Variants in DPP7 observed in about 807,000 individuals in gnomAD.
DPP7 encodes dipeptidyl peptidase 2.
DPP7 carries 74 observed loss-of-function variants against 58.8 expected under a neutral mutation model. That is an observed-to-expected ratio of 1.26 (90% CI 1.04 to 1.53). DPP7 has a LOEUF of 1.53. Among genes scored for constraint, DPP7 ranks in the 40% most tolerant of loss-of-function variants. The pLI is 0.00. For synonymous variants in DPP7, 350 were observed against 303.6 expected (o/e 1.15, Z -1.59); for missense variants, 807 against 692.3 (o/e 1.17, Z -1.86).
chr9:137,111,067 A>G, intron 11 of DPP7, 117 bp from the exon 12 acceptor site: 1 of 968,972 alleles, frequency 1.0e-6, no homozygotes, highest in South Asian at 1.4e-5. Context: ...CCATCAAGCA[A>G]CCAGAGAGAA....
chr9:137,112,449 C>G (rs1045621191), intron 8 of DPP7: 1 of 625,468 alleles, frequency 1.6e-6, no homozygotes, highest in East Asian at 2.8e-5. Context: ...CCGCTCTCCA[C>G]GGGGCAGGGT....
chr9:137,113,080 G>A lies in DPP7; in HGVS notation c.743C>T (p.Pro248Leu), dbSNP rs765440128. ...GGTCAGGTCCTTCTCGTCTGACAGC[G>A]GCTGGCAGGTGCCGAACTCCCAGCG... ...TVRWEFGTCQPLSDEKDLTQL... is the reference protein window; with the variant it reads ...TVRWEFGTCQLLSDEKDLTQL... Residue 248 changes from proline to leucine, a missense_variant, in exon 7 of 13, where the codon CCG (proline) becomes CTG (leucine). Coordinates refer to ENST00000371579, the MANE Select transcript of DPP7 (RefSeq NM_013379.3). 38 of 1,613,846 alleles carry A rather than the reference G, an allele frequency of 2.4e-5. No homozygotes were observed. The highest frequency in any genetic ancestry group is 5.5e-5 in the South Asian group (5 of 91,090).
At chr9:137,117,189 G>A (rs925299039), upstream of DPP7, among the ~76,000 whole-genome samples, 6 of 152,122 alleles carry the variant, frequency 3.9e-5, no homozygotes, top group Admixed American at 1.3e-4. Context: ...CCCACCTGAC[G>A]AGAAACACCC....
intron 4 of DPP7, 26 bp downstream of exon 4, chr9:137,113,839 G>C (rs1305063031): frequency 6.9e-7 from 1 of 1,459,084 alleles, no homozygotes; most frequent in South Asian, 1.3e-5. Context: ...GAGGGAGGGG[G>C]TGCGGAGGCC....
rs1049927664 is a variant in DPP7, at chr9:137,112,816, G to T, written c.871-11C>A. On this transcript the variant is annotated splice_polypyrimidine_tract_variant and intron_variant, in intron 7 of 12. Coordinates refer to ENST00000371579, the MANE Select transcript of DPP7 (RefSeq NM_013379.3). ...CCGATCACAGCCCACCTGGAGTGCA[G>T]GGGCAGCGGCGACTCAGCGGGGTCC... 13 of 1,608,872 alleles carry T rather than the reference G, an allele frequency of 8.1e-6. No individual in the cohort carries two copies. The highest frequency in any genetic ancestry group is 1.1e-5 in the South Asian group (1 of 90,762).
upstream of DPP7, among the ~76,000 whole-genome samples, chr9:137,115,890 AG>A (rs2131162457): frequency 6.6e-6 from 1 of 152,240 alleles, no homozygotes; most frequent in African/African-American, 2.4e-5. Context: ...GACGGGGGTG[AG>A]GACAAACAGC....
chr9:137,114,383 C>A lies in DPP7; in HGVS notation c.182-1G>T. 6.2e-7 allele frequency: 1 copy of A among 1,600,950 alleles called. No individual in the cohort carries two copies. The highest frequency in any genetic ancestry group is 1.7e-5 in the Admixed American group (1 of 59,280). On this transcript the variant is annotated splice_acceptor_variant, in intron 2 of 12. Transcript: ENST00000371579. LOFTEE classifies it high-confidence loss of function. ...CCCTCGCCCCGGACCCAGAACCTGT[C>A]TGTGGGGAGGGCGGATGAGGCGAGG...
chr9:137,110,868 C>T lies in DPP7; in HGVS notation c.1343+12G>A, dbSNP rs771302050. On this transcript the variant is annotated intron_variant, in intron 12 of 12. Coordinates refer to ENST00000371579, the MANE Select transcript of DPP7 (RefSeq NM_013379.3). Reference sequence around the variant, plus strand: ...CGACCCGCGACCACCGCCAGGCCACCTCCCTCCGCACCTGAGGTCGAGGTG... The same window carrying T: ...CGACCCGCGACCACCGCCAGGCCACTTCCCTCCGCACCTGAGGTCGAGGTG... 6.2e-7 allele frequency: 1 copy of T among 1,610,628 alleles called. No homozygotes were observed. The highest frequency in any genetic ancestry group is 1.1e-5 in the South Asian group (1 of 90,920).
Position 137,112,698 on chromosome 9 carries a change from A to G in DPP7, c.931+47T>C, listed in dbSNP as rs774533402. The G allele has an allele frequency of 3.2e-6, 5 of 1,566,858 alleles. No individual in the cohort carries two copies. In the South Asian group the frequency reaches 5.8e-5, roughly 18 times the overall value. On this transcript the variant is annotated intron_variant, in intron 8 of 12. Coordinates refer to ENST00000371579, the MANE Select transcript of DPP7 (RefSeq NM_013379.3). Reference sequence around the variant, plus strand: ...CCACCCGGCCCCAGGACCCAAGCCAAGCCTGGGGTCTCCACACTTGCCCAT... The same window carrying G: ...CCACCCGGCCCCAGGACCCAAGCCAGGCCTGGGGTCTCCACACTTGCCCAT...
intron 11 of DPP7, 27 bp downstream of exon 11, chr9:137,111,663 G>A: frequency 6.2e-7 from 1 of 1,608,290 alleles, no homozygotes. Context: ...AAACTAACGG[G>A]GTCATAGGGC....
Position 137,110,770 on chromosome 9 carries a change from C to T in DPP7, c.1357G>A (p.Glu453Lys), listed in dbSNP as rs1128114. 2 of 1,605,872 alleles carry T rather than the reference C, an allele frequency of 1.2e-6. No homozygotes were observed. Among genetic ancestry groups the T allele is most frequent in the South Asian group, 1.1e-5 (1 of 90,958 alleles). The change falls in exon 13 of 13, where the codon GAA (glutamate) becomes AAA (lysine). Residue 453 changes from glutamate to lysine, a missense_variant. Glu to Lys is a moderately conservative substitution (Grantham distance 56). Around this residue, in one of 3 missense-constraint regions of DPP7, gnomAD observed 624 missense variants for 531.2 expected, o/e 1.17. Coordinates refer to ENST00000371579, the MANE Select transcript of DPP7 (RefSeq NM_013379.3). ...HHLDLRASHP[E>K]DPASVVEARK... ...GCCTCAACCACGGAAGCAGGATCTT[C>T]TGGGTGGGAGGCTCTGGGGAGCGGG...
In DPP7 at chr9:137,112,756, C is replaced by T. The variant is rs199693681; in HGVS notation, c.920G>A (p.Arg307Gln). The change falls in exon 8 of 13, where the codon CGA (arginine) becomes CAA (glutamine). Residue 307 changes from arginine to glutamine, a missense_variant. Physicochemically the swap from Arg to Gln is conservative, Grantham distance 43 (BLOSUM62 1). Transcript: ENST00000371579. ...CGGGGGAAGGGCACCTGCCAGTGCTCGCAGCCCCGTGATCCTCTGGGCCTC... is the reference window on the plus strand; with the variant it reads ...CGGGGGAAGGGCACCTGCCAGTGCTTGCAGCCCCGTGATCCTCTGGGCCTC... ...LSEAQRITGLRALAGLVYNAS... is the reference protein window; with the variant it reads ...LSEAQRITGLQALAGLVYNAS... 8.7e-6 allele frequency: 14 copies of T among 1,606,076 alleles called. No individual in the cohort carries two copies. Among genetic ancestry groups the T allele is most frequent in the African/African-American group, 2.7e-5 (2 of 74,994 alleles).
rs755412322 is a variant in DPP7, at chr9:137,114,533, C to G, written c.111G>C (p.Gln37His). The change falls in exon 2 of 13, where the codon CAG becomes CAC. Residue 37 changes from glutamine to histidine, a missense_variant. By Grantham distance (24) the Gln-to-His change is conservative (BLOSUM62 0). This residue lies in a region of DPP7 where 168 missense variants were observed against 124.1 expected (regional missense o/e 1.35). Transcript: ENST00000371579. ...PDPGFQERFFQQRLDHFNFER... is the reference protein window; with the variant it reads ...PDPGFQERFFHQRLDHFNFER... ...CGAAGTTGAAGTGGTCCAGACGCTG[C>G]TGGAAGAAGCGCTCCTGGAAGCCGG... 6.4e-7 allele frequency: 1 copy of G among 1,573,496 alleles called. No homozygotes were observed. Among genetic ancestry groups the G allele is most frequent in the Non-Finnish European group, 8.6e-7 (1 of 1,161,122 alleles).
upstream of DPP7, chr9:137,114,928 C>T (rs74758642): frequency 5.5e-3 from 1,892 of 341,508 alleles, 10 homozygotes; most frequent in Non-Finnish European, 8.2e-3. Flanking sequence ...GCAGAGGGCC[C>T]CCGGGCCATC....
chr9:137,115,712 T>C (rs928540071), upstream of DPP7, among the ~76,000 whole-genome samples: 5 of 151,994 alleles, frequency 3.3e-5, no homozygotes, highest in Non-Finnish European at 5.9e-5. Context: ...GCACCCCCCA[T>C]GGTGGGTGAC....
upstream of DPP7, among the ~76,000 whole-genome samples, chr9:137,115,650 C>T (rs556758078): frequency 7.2e-5 from 11 of 152,234 alleles, no homozygotes; most frequent in African/African-American, 2.4e-4. Context: ...CGGAGAAGAC[C>T]GGCCACTTCC....
At chr9:137,111,842 A>T (rs749013361) in intron 10 of DPP7, 31 bp downstream of exon 10, 1 of 1,612,562 alleles carries the variant, frequency 6.2e-7, no homozygotes, top group Admixed American at 1.7e-5. Flanking sequence ...GGCAGAAAGC[A>T]GGACGCTGGC....
chr9:137,113,601 C>T (rs1308194433), intron 4 of DPP7, 105 bp from the exon 5 acceptor site: 3 of 1,447,836 alleles, frequency 2.1e-6, no homozygotes, highest in Non-Finnish European at 2.7e-6. Flanking sequence ...ACTTCTGAGA[C>T]CCACAAATTC....
At chr9:137,117,347 G>A (rs887473242), upstream of DPP7, among the ~76,000 whole-genome samples, 1 of 152,226 alleles carries the variant, frequency 6.6e-6, no homozygotes, top group Non-Finnish European at 1.5e-5. Flanking sequence ...AGGGGCAAGT[G>A]AGCCTAGGCT....
Sources: gnomAD v4.1 joint callset for allele counts (sites outside exome capture counted in the v4.1 genomes callset) on GRCh38, gnomAD v4.1.1 for gene constraint, gnomAD v4.1.1 regional missense constraint, MANE v1.5 for transcripts, NCBI Gene and HGNC (gene_info 2026-07-23, HGNC 2026-07-21) for gene names.